Variants in LAMA1 observed in about 807,000 individuals in gnomAD.
LAMA1 encodes laminin subunit alpha 1, also known as laminin subunit alpha-1.
LAMA1 carries 219 observed loss-of-function variants against 348.7 expected under a neutral mutation model. That is an observed-to-expected ratio of 0.63 (90% CI 0.56 to 0.70). The LOEUF is 0.70. Ranked by LOEUF, LAMA1 falls within the 30% of genes least tolerant of loss-of-function variation. The pLI, the probability that LAMA1 is intolerant of heterozygous loss-of-function variation, is 0.00. For missense variants in LAMA1, 3,744 were observed against 3,888.0 expected, an observed-to-expected ratio of 0.96 and a Z score of 0.99; for synonymous variants, 1,487 against 1,491.0, an observed-to-expected ratio of 1.00 and a Z score of 0.06.
chr18:7,042,356 C>T (rs1386611575), intron 8 of LAMA1, 106 bp from the exon 9 acceptor site: 4 of 734,050 alleles, frequency 5.4e-6, no homozygotes, highest in East Asian at 2.8e-5. Flanking sequence ...GGGACTATTA[C>T]GATGATTTTG....
chr18:7,041,335 G>A (rs62083463), intron 9 of LAMA1, among the ~76,000 whole-genome samples: 1,847 of 152,116 alleles, frequency 0.012, 20 homozygotes, highest in Non-Finnish European at 0.016. Flanking sequence ...TTTTTTAAAT[G>A]AACTCAATTG....
intron 8 of LAMA1, 137 bp from the exon 9 acceptor site, chr18:7,042,387 G>A: frequency 3.0e-6 from 2 of 668,552 alleles, no homozygotes; most frequent in Non-Finnish European, 5.5e-6. Flanking sequence ...TGGGGGTTAG[G>A]TTTGAGGAAG....
chr18:7,013,696 G>A (rs2057871590), intron 23 of LAMA1, 119 bp downstream of exon 23: 1 of 861,548 alleles, frequency 1.2e-6, no homozygotes, highest in Non-Finnish European at 1.9e-6. Flanking sequence ...ATGCGGAAGG[G>A]AGTGTGAACT....
At chr18:7,052,925 C>CA (rs763894523) in intron 3 of LAMA1, among the ~76,000 whole-genome samples, 3 of 152,006 alleles carry the variant, frequency 2.0e-5, no homozygotes, top group Non-Finnish European at 4.4e-5. Flanking sequence ...GAGGCTGAGG[C>CA]AGGAGAATCG....
chr18:6,973,641 C>T (rs1172801564), intron 46 of LAMA1, among the ~76,000 whole-genome samples: 14 of 152,198 alleles, frequency 9.2e-5, no homozygotes, highest in Non-Finnish European at 2.1e-4. Context: ...CACTTGCATC[C>T]TTATTTTCTG....
At chr18:7,032,266 A>C in intron 15 of LAMA1, 90 bp from the exon 16 acceptor site, 1 of 790,550 alleles carries the variant, frequency 1.3e-6, no homozygotes, top group Non-Finnish European at 2.2e-6. Context: ...TTTTTTCTTA[A>C]ACATCTTAAC....
chr18:7,044,112 G>A (rs1216521631), intron 7 of LAMA1, among the ~76,000 whole-genome samples: 4 of 141,672 alleles, frequency 2.8e-5, no homozygotes, highest in South Asian at 2.2e-4. Context: ...GCAGTGAGCC[G>A]AGATCGCGCC....
intron 3 of LAMA1, among the ~76,000 whole-genome samples, chr18:7,054,019 C>T (rs1484505549): frequency 6.6e-6 from 1 of 152,112 alleles, no homozygotes; most frequent in African/African-American, 2.4e-5. Flanking sequence ...GGTCTGCCCA[C>T]CTTGACCTCC....
At chr18:7,014,160 A>G (rs1200025271) in intron 22 of LAMA1, 109 bp from the exon 23 acceptor site, 2 of 869,918 alleles carry the variant, frequency 2.3e-6, no homozygotes, top group East Asian at 2.6e-5. Flanking sequence ...TCTACAAATG[A>G]ACCATCTCTC....
chr18:6,961,828 A>G, intron 52 of LAMA1, 69 bp from the exon 53 acceptor site: 4 of 1,587,080 alleles, frequency 2.5e-6, no homozygotes, highest in South Asian at 2.2e-5. Context: ...TGGGGAGGAC[A>G]CTGCTGATTT....
intron 61 of LAMA1, among the ~76,000 whole-genome samples, chr18:6,946,725 GA>G (rs1025563846): frequency 5.9e-5 from 9 of 151,766 alleles, no homozygotes; most frequent in African/African-American, 2.2e-4. Flanking sequence ...GTCTCAAAAA[GA>G]AAAAAAATGC....
chr18:7,029,806 C>G (rs1029496262), intron 16 of LAMA1, among the ~76,000 whole-genome samples: 1 of 152,012 alleles, frequency 6.6e-6, no homozygotes, highest in African/African-American at 2.4e-5. Context: ...GAATAAAGAG[C>G]TAAGAGAGCT....
chr18:7,012,288 T>G, intron 23 of LAMA1, 150 bp from the exon 24 acceptor site: 1 of 777,772 alleles, frequency 1.3e-6, no homozygotes, highest in Non-Finnish European at 2.2e-6. Context: ...CGGAGCTTTC[T>G]GAGTGTCAGT....
At chr18:7,103,007 T>C (rs1316917215) in intron 1 of LAMA1, among the ~76,000 whole-genome samples, 1 of 152,248 alleles carries the variant, frequency 6.6e-6, no homozygotes. Flanking sequence ...TCCTGGTTAC[T>C]AGATTCTGTG....
At chr18:7,019,019 C>T (rs2057903211) in intron 19 of LAMA1, among the ~76,000 whole-genome samples, 3 of 152,094 alleles carry the variant, frequency 2.0e-5, no homozygotes, top group Admixed American at 6.6e-5. Context: ...GTAGCTGGAC[C>T]GTGCGGACTC....
In LAMA1 at chr18:7,013,986, C is replaced by T. The variant is rs1224407350; in HGVS notation, c.3192G>A (p.Gln1064=). 1 of 1,613,950 alleles carries T rather than the reference C, an allele frequency of 6.2e-7. No individual in the cohort carries two copies. Among genetic ancestry groups the T allele is most frequent in the South Asian group, 1.1e-5 (1 of 90,980 alleles). Residue 1064 remains glutamine, a synonymous_variant, in exon 23 of 63, where the codon CAG becomes CAA. Transcript: ENST00000389658. ...HRCDVVTGHC[Q]CKSKFGGRAC... is the part of the protein sequence containing the mutation. ...CCCGGCCACCAAATTTTGACTTGCACTGGCAATGGCCGGTGACCACATCGC... is the reference window on the plus strand; with the variant it reads ...CCCGGCCACCAAATTTTGACTTGCATTGGCAATGGCCGGTGACCACATCGC...
In LAMA1 at chr18:7,079,961, C is replaced by T; in HGVS notation, c.345+14G>A. 6.3e-7 allele frequency: 1 copy of T among 1,579,160 alleles called. No individual in the cohort carries two copies. The highest frequency in any genetic ancestry group is 1.1e-5 in the South Asian group (1 of 90,250). On this transcript the variant is annotated intron_variant, in intron 3 of 62. Coordinates refer to ENST00000389658, the MANE Select transcript of LAMA1 (RefSeq NM_005559.4). Reference sequence around the variant, plus strand: ...AGCCTGTAGACACTCTTCAATGGTTCTGGGCTCACCTACCTGTCTTAAGTC... The same window carrying T: ...AGCCTGTAGACACTCTTCAATGGTTTTGGGCTCACCTACCTGTCTTAAGTC...
intron 3 of LAMA1, among the ~76,000 whole-genome samples, chr18:7,075,109 G>A (rs1467175355): frequency 6.6e-6 from 1 of 151,530 alleles, no homozygotes; most frequent in Admixed American, 6.6e-5. Flanking sequence ...AACCTCAAGA[G>A]CTGATATTTA....
intron 57 of LAMA1, among the ~76,000 whole-genome samples, chr18:6,951,964 G>T (rs2057548950): frequency 6.6e-6 from 1 of 152,190 alleles, no homozygotes; most frequent in African/African-American, 2.4e-5. Flanking sequence ...TGAGGCCCAG[G>T]AGACTGTCCC....
Sources: gnomAD v4.1 joint callset for allele counts (sites outside exome capture counted in the v4.1 genomes callset) on GRCh38, gnomAD v4.1.1 for gene constraint, MANE v1.5 for transcripts, NCBI Gene and HGNC (gene_info 2026-07-23, HGNC 2026-07-21) for gene names.